SQOR: variants seen among roughly 807,000 people sequenced by gnomAD.
SQOR encodes the protein sulfide quinone oxidoreductase.
In SQOR, 39 loss-of-function variants were observed where a neutral mutation model predicts 48.6. The observed-to-expected ratio is 0.80, with a 90% confidence interval of 0.62 to 1.05. The LOEUF is 1.05. SQOR is among the 50% of genes least tolerant of loss of function. The pLI is 0.00. For missense variants in SQOR, 561 were observed against 559.9 expected (o/e 1.00, Z -0.02); for synonymous variants, 220 against 206.2 (o/e 1.07, Z -0.57).
chr15:45,642,782 C>T (rs115096425), intron 1 of SQOR, among the ~76,000 whole-genome samples: 1 of 152,140 alleles, frequency 6.6e-6, no homozygotes, highest in African/African-American at 2.4e-5. Context: ...TAGATGTCAA[C>T]TTTGACTTTT....
At chr15:45,653,229 A>G (rs1889528183) in intron 1 of SQOR, among the ~76,000 whole-genome samples, 1 of 151,890 alleles carries the variant, frequency 6.6e-6, no homozygotes, top group African/African-American at 2.4e-5. Context: ...GTCCCACAAG[A>G]CTGCCCTCAC....
At chr15:45,639,179 A>G (rs1306758796) in intron 1 of SQOR, among the ~76,000 whole-genome samples, 1 of 152,216 alleles carries the variant, frequency 6.6e-6, no homozygotes, top group Non-Finnish European at 1.5e-5. Flanking sequence ...AGAGTCTCCC[A>G]TGTACTTTCC....
chr15:45,690,587 G>A (rs11070463), intron 9 of SQOR, among the ~76,000 whole-genome samples: 30,248 of 152,090 alleles, frequency 0.2, 3,120 homozygotes, highest in Middle Eastern at 0.36. Context: ...ACTGCTAAAC[G>A]TCCTATAATG....
intron 3 of SQOR, among the ~76,000 whole-genome samples, chr15:45,664,791 G>T (rs2140951075): frequency 6.6e-6 from 1 of 152,184 alleles, no homozygotes; most frequent in South Asian, 2.1e-4. Context: ...CCTAAAGGCA[G>T]AAATGAATAT....
chr15:45,656,051 T>C (rs1157299622), intron 1 of SQOR, among the ~76,000 whole-genome samples: 1 of 152,026 alleles, frequency 6.6e-6, no homozygotes, highest in Non-Finnish European at 1.5e-5. Context: ...TGAGACATAT[T>C]GTTCTAAAGA....
chr15:45,683,153 G>T lies in SQOR; in HGVS notation c.1048+492G>T, dbSNP rs78111448. Among the ~76,000 whole-genome samples, 1,309 of 152,168 alleles carry T rather than the reference G, an allele frequency of 8.6e-3. 23 individuals carry two copies. The highest frequency in any genetic ancestry group is 0.03 in the African/African-American group (1,232 of 41,504). On this transcript the variant is annotated intron_variant, in intron 7 of 9. Coordinates refer to ENST00000260324, the MANE Select transcript of SQOR (RefSeq NM_021199.4). ...AGCATGATCTTATCTACCTTTTCTA[G>T]GTCAGAGGGGTTGTTGTCAGAAGAG... is the stretch of plus-strand genomic sequence containing the variant.
intron 1 of SQOR, among the ~76,000 whole-genome samples, chr15:45,638,143 A>G (rs1215960606): frequency 6.6e-6 from 1 of 152,260 alleles, no homozygotes; most frequent in Non-Finnish European, 1.5e-5. Flanking sequence ...TGTGGAAAAA[A>G]ACAAAACAGA....
chr15:45,639,925 A>T (rs1228684940), intron 1 of SQOR, among the ~76,000 whole-genome samples: 5 of 152,154 alleles, frequency 3.3e-5, no homozygotes, highest in African/African-American at 4.8e-5. Flanking sequence ...CTTATTTTAC[A>T]CTCAGGGAAA....
At chr15:45,644,147 ACGCGATCT>A (rs1429317741) in intron 1 of SQOR, among the ~76,000 whole-genome samples, 2 of 151,638 alleles carry the variant, frequency 1.3e-5, no homozygotes, top group African/African-American at 2.4e-5. Flanking sequence ...GAGTGCAGTG[ACGCGATCT>A]CGGCTCACTG....
chr15:45,633,947 G>A (rs1328011912), upstream of SQOR, among the ~76,000 whole-genome samples: 1 of 150,998 alleles, frequency 6.6e-6, no homozygotes, highest in Non-Finnish European at 1.5e-5. Flanking sequence ...GGCCCAGGAG[G>A]GCAGATCGCT....
In SQOR at chr15:45,669,913, C is replaced by A. The variant is rs766541132; in HGVS notation, c.406-15C>A. On this transcript the variant is annotated splice_polypyrimidine_tract_variant and intron_variant, in intron 3 of 9. Transcript: ENST00000260324. Reference sequence around the variant, plus strand: ...CTTGAGTCCTGGTCTAAAATAATGTCTTTTTGTGTTGCAGATCTCCTACCG... The same window carrying A: ...CTTGAGTCCTGGTCTAAAATAATGTATTTTTGTGTTGCAGATCTCCTACCG... 6.8e-6 allele frequency: 11 copies of A among 1,612,812 alleles called. No homozygotes were observed. In the South Asian group the frequency reaches 8.8e-5, roughly 13 times the overall value.
intron 1 of SQOR, among the ~76,000 whole-genome samples, chr15:45,644,150 C>T (rs566472059): frequency 2.6e-5 from 4 of 151,998 alleles, no homozygotes; most frequent in Non-Finnish European, 2.9e-5. Flanking sequence ...TGCAGTGACG[C>T]GATCTCGGCT....
At chr15:45,640,513 C>T (rs1003629929) in intron 1 of SQOR, among the ~76,000 whole-genome samples, 2 of 152,178 alleles carry the variant, frequency 1.3e-5, no homozygotes, top group Admixed American at 1.3e-4. Context: ...CTGTCTACAC[C>T]TCATTCTGTC....
chr15:45,667,940 TC>T (rs1411541246), intron 3 of SQOR, among the ~76,000 whole-genome samples: 11 of 100,856 alleles, frequency 1.1e-4, no homozygotes, highest in African/African-American at 3.3e-4. Context: ...TTTCTTTCTT[TC>T]TTTTTTTTTT....
intron 7 of SQOR, among the ~76,000 whole-genome samples, chr15:45,683,481 C>A (rs1246537247): frequency 6.6e-6 from 1 of 152,236 alleles, no homozygotes; most frequent in African/African-American, 2.4e-5. Context: ...TCTGCACCAG[C>A]AGTGATGGGG....
intron 3 of SQOR, among the ~76,000 whole-genome samples, chr15:45,667,250 G>A (rs1006898069): frequency 3.4e-5 from 5 of 148,540 alleles, no homozygotes; most frequent in Admixed American, 1.4e-4. Context: ...GTTCTGAGCC[G>A]ATCTACCTTA....
chr15:45,638,265 G>A (rs1895041618), intron 1 of SQOR, among the ~76,000 whole-genome samples: 1 of 152,202 alleles, frequency 6.6e-6, no homozygotes, highest in Non-Finnish European at 1.5e-5. Flanking sequence ...TGAAACCCTA[G>A]CCCCCAGGAT....
intron 5 of SQOR, 92 bp downstream of exon 5, chr15:45,673,893 T>A: frequency 8.0e-7 from 1 of 1,256,322 alleles, no homozygotes; most frequent in Non-Finnish European, 1.1e-6. Flanking sequence ...TTGTAATCCC[T>A]TTTTTATCTC....
At chr15:45,649,017 T>A (rs1595571696) in intron 1 of SQOR, among the ~76,000 whole-genome samples, 1 of 152,238 alleles carries the variant, frequency 6.6e-6, no homozygotes, top group East Asian at 1.9e-4. Context: ...CTTGGCTTGG[T>A]GAATCTTTCA....
Sources: allele counts gnomAD v4.1 joint callset (sites outside exome capture counted in the v4.1 genomes callset), GRCh38; gene constraint gnomAD v4.1.1; transcripts MANE v1.5; gene names NCBI Gene and HGNC (gene_info 2026-07-23, HGNC 2026-07-21).